DLGAP2: variants seen among roughly 807,000 people sequenced by gnomAD.
DLGAP2 encodes the protein DLG associated protein 2.
DLGAP2 carries 26 observed loss-of-function variants against 100.3 expected under a neutral mutation model. That is an observed-to-expected ratio of 0.26 (90% CI 0.19 to 0.36). DLGAP2 has a LOEUF of 0.36. Among genes scored for constraint, DLGAP2 ranks in the 10% least tolerant of loss-of-function variants. The pLI is 1.00. For missense variants in DLGAP2, 1,858 were observed against 1,453.2 expected (o/e 1.28, Z -4.53); for synonymous variants, 886 against 630.1 (o/e 1.41, Z -6.08).
intron 3 of DLGAP2, among the ~76,000 whole-genome samples, chr8:1,346,013 G>C (rs1033422499): frequency 6.6e-6 from 1 of 152,230 alleles, no homozygotes; most frequent in East Asian, 1.9e-4. Flanking sequence ...CCTGTGTCCA[G>C]TGCAGATGGG....
intron 2 of DLGAP2, among the ~76,000 whole-genome samples, chr8:922,203 A>C (rs1353714295): frequency 6.6e-6 from 1 of 152,226 alleles, no homozygotes; most frequent in African/African-American, 2.4e-5. Flanking sequence ...GAGCCAGATA[A>C]TACTTTAAGC....
intron 3 of DLGAP2, among the ~76,000 whole-genome samples, chr8:1,293,231 T>C (rs1158947045): frequency 6.6e-6 from 1 of 152,158 alleles, no homozygotes; most frequent in South Asian, 2.1e-4. Context: ...CACACACACA[T>C]GGGCCCACAT....
At chr8:1,675,634 C>A (rs1360321156) in intron 10 of DLGAP2, among the ~76,000 whole-genome samples, 1 of 152,140 alleles carries the variant, frequency 6.6e-6, no homozygotes, top group African/African-American at 2.4e-5. Flanking sequence ...GCACCTTTTC[C>A]TTGTAGTGAT....
intron 2 of DLGAP2, chr8:1,250,378 C>T (rs115557523): frequency 0.043 from 6,560 of 152,326 alleles, 296 homozygotes; most frequent in African/African-American, 0.12. Flanking sequence ...GTCAGGGGCT[C>T]CCGAATGAGA....
In DLGAP2 at chr8:1,501,441, A is replaced by G. The variant is rs2130323317; in HGVS notation, c.172+10A>G. ...GCAGAGGAGGATCTAGGTAGAGTAC[A>G]GACGTCAGCCCCGCTCTGGCGGGGC... is the stretch of plus-strand genomic sequence containing the variant. On this transcript the variant is annotated intron_variant, in intron 4 of 14. Transcript: ENST00000637795. 2.0e-6 allele frequency: 3 copies of G among 1,535,662 alleles called. No individual in the cohort carries two copies. The South Asian group carries it at 3.6e-5, about 18-fold the overall frequency.
Position 1,490,766 on chromosome 8 carries a change from G to T in DLGAP2, c.107-10600G>T, listed in dbSNP as rs372172897. Among the ~76,000 whole-genome samples, 25 of 152,226 alleles carry T rather than the reference G, an allele frequency of 1.6e-4. No individual in the cohort carries two copies. The East Asian group carries it at 2.9e-3, about 18-fold the overall frequency. ...CAGAATCTCTGGGCTGGGGCATGAG[G>T]CCTGTGTCCTCCTAAAAGGTCCCCA... On this transcript the variant is annotated intron_variant, in intron 3 of 14. Coordinates refer to ENST00000637795, the MANE Select transcript of DLGAP2 (RefSeq NM_001346810.2).
intron 2 of DLGAP2, among the ~76,000 whole-genome samples, chr8:1,164,533 C>T (rs1018669052): frequency 3.3e-5 from 5 of 152,138 alleles, no homozygotes; most frequent in African/African-American, 1.2e-4. Flanking sequence ...ACTTTCCTCC[C>T]TTCCCGGTGG....
At chr8:1,495,828 C>G (rs559888588) in intron 3 of DLGAP2, among the ~76,000 whole-genome samples, 3 of 152,334 alleles carry the variant, frequency 2.0e-5, no homozygotes, top group Admixed American at 1.3e-4. Context: ...ATCACCCGGA[C>G]TCAGCGCATC....
intron 2 of DLGAP2, among the ~76,000 whole-genome samples, chr8:1,247,380 T>G (rs368525430): frequency 7.5e-6 from 1 of 133,310 alleles, no homozygotes; most frequent in African/African-American, 3.1e-5. Flanking sequence ...TGATGGTCCA[T>G]GTTGGTGGCC....
chr8:1,125,989 T>C (rs956794568), intron 2 of DLGAP2, among the ~76,000 whole-genome samples: 4 of 152,238 alleles, frequency 2.6e-5, no homozygotes, highest in Non-Finnish European at 5.9e-5. Flanking sequence ...TTCATCTCCA[T>C]GGACACTTCC....
chr8:989,338 G>A (rs1161862057), intron 2 of DLGAP2, among the ~76,000 whole-genome samples: 1 of 152,156 alleles, frequency 6.6e-6, no homozygotes, highest in East Asian at 1.9e-4. Flanking sequence ...CCTGAGGGAG[G>A]GGCTGTCTTC....
At chr8:1,125,147 C>T in intron 2 of DLGAP2, among the ~76,000 whole-genome samples, 1 of 152,188 alleles carries the variant, frequency 6.6e-6, no homozygotes, top group Non-Finnish European at 1.5e-5. Flanking sequence ...TTAAATATTT[C>T]CCCGCTAGGA....
chr8:773,372 G>C (rs1821419292), intron 1 of DLGAP2, among the ~76,000 whole-genome samples: 1 of 149,492 alleles, frequency 6.7e-6, no homozygotes, highest in Non-Finnish European at 1.5e-5. Context: ...TATACTTTAA[G>C]TTTTAGGGTA....
intron 3 of DLGAP2, among the ~76,000 whole-genome samples, chr8:1,442,984 G>C (rs1457270878): frequency 6.6e-6 from 1 of 152,228 alleles, no homozygotes; most frequent in Non-Finnish European, 1.5e-5. Flanking sequence ...CGTACTTATG[G>C]AAGCTCTTGT....
At chr8:1,278,744 T>G (rs1253299787) in intron 3 of DLGAP2, among the ~76,000 whole-genome samples, 2 of 152,206 alleles carry the variant, frequency 1.3e-5, no homozygotes, top group Non-Finnish European at 2.9e-5. Context: ...GATAAATGAA[T>G]TACATAATGA....
intron 2 of DLGAP2, among the ~76,000 whole-genome samples, chr8:985,341 T>C (rs1800455965): frequency 1.3e-5 from 2 of 152,230 alleles, no homozygotes; most frequent in Non-Finnish European, 2.9e-5. Context: ...CAGAGTCAGA[T>C]CTAATGCTGT....
At position 1,388,140 on chromosome 8, in the gene DLGAP2, G is replaced by GA. The variant is rs78737522; in HGVS notation, c.107-113225dup. Among the ~76,000 whole-genome samples, 541 of 97,188 alleles carry GA rather than the reference G, an allele frequency of 5.6e-3. 17 individuals carry two copies. In the East Asian group the frequency reaches 0.13, roughly 24 times the overall value. The allele number at this position is 97,188 out of a possible 152,430, so 63.8% of individuals were successfully genotyped here. A position where few individuals can be genotyped will look rare whatever the true frequency, so the allele number is the denominator to read the frequency against. On this transcript the variant is annotated intron_variant, in intron 3 of 14. Transcript: ENST00000637795. ...GCTCTGGTTCAGGTGTCAGGGCTGT[G>GA]AGAGGCAGAGGCAGTGGGTGGGGAG...
At chr8:808,187 T>A (rs1796304253) in intron 1 of DLGAP2, among the ~76,000 whole-genome samples, 1 of 152,166 alleles carries the variant, frequency 6.6e-6, no homozygotes, top group Admixed American at 6.5e-5. Context: ...GGCCTCTGAT[T>A]TCAGCATCAC....
Position 942,597 on chromosome 8 carries a change from A to G in DLGAP2, c.73+34631A>G, listed in dbSNP as rs1355152495. ...AGCTCAGCTGCATTTCATGCTGTGGAAGACTCAGGAGCTAACATCTCATCT... is the reference window on the plus strand; with the variant it reads ...AGCTCAGCTGCATTTCATGCTGTGGGAGACTCAGGAGCTAACATCTCATCT... On this transcript the variant is annotated intron_variant, in intron 2 of 14. Transcript: ENST00000637795. 2.0e-5 allele frequency among the ~76,000 whole-genome samples: 3 copies of G among 152,312 alleles called. No homozygotes were observed. The East Asian group carries it at 5.8e-4, about 29-fold the overall frequency.
Sources: gnomAD v4.1 joint callset for allele counts (sites outside exome capture counted in the v4.1 genomes callset) on GRCh38, gnomAD v4.1.1 for gene constraint, MANE v1.5 for transcripts, NCBI Gene and HGNC (gene_info 2026-07-23, HGNC 2026-07-21) for gene names.